The following AUTS2 variants were observed in gnomAD, a reference collection of about 807,000 sequenced individuals.
AUTS2 encodes the protein autism susceptibility gene 2 protein.
A neutral mutation model predicts 112.4 loss-of-function variants in AUTS2; 17 were observed. The observed-to-expected ratio is 0.15, with a 90% CI of 0.10 to 0.23. AUTS2 has a LOEUF of 0.23. Among genes scored for constraint, AUTS2 ranks in the 10% least tolerant of loss-of-function variants. The pLI is 1.00. For missense variants in AUTS2, 1,510 were observed against 1,701.6 expected (o/e 0.89, Z 1.98); for synonymous variants, 751 against 702.7 (o/e 1.07, Z -1.09).
intron 4 of AUTS2, among the ~76,000 whole-genome samples, chr7:70,155,852 A>C (rs1015829658): frequency 2.0e-5 from 3 of 152,160 alleles, no homozygotes; most frequent in African/African-American, 4.8e-5. Context: ...GTGTGAGTTC[A>C]TGTGTAGAAG....
At position 70,079,023 on chromosome 7, in the gene AUTS2, G is replaced by C. The variant is rs79086504; in HGVS notation, c.523-39109G>C. On this transcript the variant is annotated intron_variant, in intron 2 of 18. Transcript: ENST00000342771. ...GATTGGTAGAAAACATGGAATAATG[G>C]TGCCAGGGTTAGCTTTGCCTGGAGA... is the stretch of plus-strand genomic sequence containing the variant. Among the ~76,000 whole-genome samples the C allele has an allele frequency of 2.1e-3, 316 of 152,232 alleles. 4 individuals are homozygous for C. Among genetic ancestry groups the C allele is most frequent in the East Asian group, 0.016 (84 of 5,180 alleles).
At chr7:69,653,131 G>A (rs73167531) in intron 1 of AUTS2, among the ~76,000 whole-genome samples, 3,736 of 152,262 alleles carry the variant, frequency 0.025, 61 homozygotes, top group Non-Finnish European at 0.038. Context: ...TTCCAGTGCT[G>A]TTGTGGAGTG....
chr7:69,726,504 G>A (rs1240507566), intron 1 of AUTS2, among the ~76,000 whole-genome samples: 1 of 144,966 alleles, frequency 6.9e-6, no homozygotes, highest in Non-Finnish European at 1.5e-5. Flanking sequence ...GATCAGTCTT[G>A]TACAAGTTTT....
intron 1 of AUTS2, among the ~76,000 whole-genome samples, chr7:69,632,615 C>T (rs963864305): frequency 6.9e-6 from 1 of 144,618 alleles, no homozygotes; most frequent in Non-Finnish European, 1.5e-5. Context: ...CTCCCCTCTT[C>T]CCTCTCTGTT....
intron 2 of AUTS2, among the ~76,000 whole-genome samples, chr7:69,922,832 T>G (rs186300754): frequency 1.5e-4 from 23 of 152,342 alleles, no homozygotes. Flanking sequence ...TCTCAGTTGA[T>G]TTTGTACACC....
intron 3 of AUTS2, among the ~76,000 whole-genome samples, chr7:70,121,382 G>A (rs1041586316): frequency 6.6e-5 from 10 of 152,038 alleles, no homozygotes; most frequent in African/African-American, 2.4e-4. Flanking sequence ...ACACCAAAGA[G>A]CATTATCAAG....
chr7:70,673,230 C>T (rs1414167692), intron 5 of AUTS2, among the ~76,000 whole-genome samples: 1 of 152,206 alleles, frequency 6.6e-6, no homozygotes, highest in Non-Finnish European at 1.5e-5. Flanking sequence ...ATCAGAAAGT[C>T]ACTTGCTGAC....
At chr7:69,776,214 A>G (rs1193178466) in intron 1 of AUTS2, among the ~76,000 whole-genome samples, 2 of 152,188 alleles carry the variant, frequency 1.3e-5, no homozygotes, top group Non-Finnish European at 2.9e-5. Context: ...AGGAATCGTC[A>G]GCCTGCATTA....
intron 1 of AUTS2, among the ~76,000 whole-genome samples, chr7:69,622,574 G>A (rs566226103): frequency 6.6e-6 from 1 of 152,090 alleles, no homozygotes; most frequent in Non-Finnish European, 1.5e-5. Context: ...ATAGGGAAAG[G>A]CTCCTAGACT....
intron 5 of AUTS2, among the ~76,000 whole-genome samples, chr7:70,654,245 G>A (rs1186228172): frequency 6.6e-6 from 1 of 152,134 alleles, no homozygotes; most frequent in Non-Finnish European, 1.5e-5. Context: ...TCTAAACCAG[G>A]GGTCAGCAAA....
At chr7:70,721,206 G>T (rs1043403633) in intron 6 of AUTS2, among the ~76,000 whole-genome samples, 4 of 151,564 alleles carry the variant, frequency 2.6e-5, no homozygotes, top group Non-Finnish European at 4.4e-5. Flanking sequence ...TATTGTTACT[G>T]CTGTATAGAG....
chr7:70,082,570 T>TC (rs1474002477), intron 2 of AUTS2, among the ~76,000 whole-genome samples: 6 of 152,248 alleles, frequency 3.9e-5, no homozygotes, highest in Non-Finnish European at 7.3e-5. Flanking sequence ...ATATGGTTGG[T>TC]CTGAAGACTT....
chr7:69,780,031 A>G (rs951302221), intron 1 of AUTS2, among the ~76,000 whole-genome samples: 2 of 151,822 alleles, frequency 1.3e-5, no homozygotes, highest in African/African-American at 2.4e-5. Context: ...AAAATTTTCC[A>G]TCTTTTCTAG....
At chr7:70,759,613 C>T (rs1789429354) in intron 6 of AUTS2, among the ~76,000 whole-genome samples, 1 of 152,170 alleles carries the variant, frequency 6.6e-6, no homozygotes, top group East Asian at 1.9e-4. Context: ...GGCACCACTC[C>T]TCATGTTCTA....
chr7:69,935,426 G>A (rs1451451452), intron 2 of AUTS2, among the ~76,000 whole-genome samples: 1 of 152,134 alleles, frequency 6.6e-6, no homozygotes, highest in African/African-American at 2.4e-5. Context: ...TTTTTAGGAA[G>A]CATTATTCTG....
intron 4 of AUTS2, among the ~76,000 whole-genome samples, chr7:70,301,602 G>C (rs1466094955): frequency 6.6e-6 from 1 of 151,920 alleles, no homozygotes; most frequent in Admixed American, 6.6e-5. Flanking sequence ...CCTTCCTTCC[G>C]TCCTCACCAC....
At chr7:69,880,396 C>T (rs764060446) in intron 1 of AUTS2, among the ~76,000 whole-genome samples, 7 of 152,162 alleles carry the variant, frequency 4.6e-5, no homozygotes, top group African/African-American at 7.2e-5. Context: ...TACCTGCATA[C>T]AGAATTGTGG....
intron 1 of AUTS2, among the ~76,000 whole-genome samples, chr7:69,765,855 G>T (rs1252458658): frequency 6.6e-6 from 1 of 152,176 alleles, no homozygotes; most frequent in East Asian, 1.9e-4. Flanking sequence ...GCTGAGGCAG[G>T]AGGATCGCTT....
In AUTS2 at chr7:70,486,900, C is replaced by CG. The variant is rs909628134; in HGVS notation, c.690+51119_690+51120insG. On this transcript the variant is annotated intron_variant, in intron 5 of 18. Coordinates refer to ENST00000342771, the MANE Select transcript of AUTS2 (RefSeq NM_015570.4). ...GTTTGTTTTGTTGTTTTTGTATTCC[C>CG]CCCCCCCCAAAAAAAAAGAAGAAAA... is the stretch of plus-strand genomic sequence containing the variant. 1.4e-4 allele frequency among the ~76,000 whole-genome samples: 16 copies of CG among 111,306 alleles called. 1 individual carries two copies. The highest frequency in any genetic ancestry group is 5.1e-4 in the African/African-American group (13 of 25,614). 73.0% of individuals were successfully genotyped at this position (111,306 alleles called of 152,430 possible).
Sources: gnomAD v4.1 joint callset for allele counts (sites outside exome capture counted in the v4.1 genomes callset) on GRCh38, gnomAD v4.1.1 for gene constraint, MANE v1.5 for transcripts, NCBI Gene and HGNC (gene_info 2026-07-23, HGNC 2026-07-21) for gene names.